SEZ6L: variants seen among roughly 807,000 people sequenced by gnomAD.
The protein encoded by SEZ6L is seizure related 6 homolog like, also known as seizure 6-like protein.
Under a neutral mutation model 106.2 loss-of-function variants are expected in SEZ6L, and 37 were observed. That is an observed-to-expected ratio of 0.35 (90% CI 0.27 to 0.46). The LOEUF (loss-of-function observed/expected upper bound fraction) is 0.46. Ranked by LOEUF, SEZ6L falls within the 20% of genes least tolerant of loss-of-function variation. The pLI, the probability that SEZ6L is intolerant of heterozygous loss-of-function variation, is 1.00. For synonymous variants in SEZ6L, 541 were observed against 570.4 expected (o/e 0.95, Z 0.73); for missense variants, 1,172 against 1,332.8 (o/e 0.88, Z 1.88).
chr22:26,315,288 C>A (rs1426163427), intron 9 of SEZ6L, among the ~76,000 whole-genome samples: 1 of 151,802 alleles, frequency 6.6e-6, no homozygotes, highest in Non-Finnish European at 1.5e-5. Context: ...GAGACCAGTC[C>A]CAACAACATA....
chr22:26,239,255 G>C (rs1401454603), intron 1 of SEZ6L, among the ~76,000 whole-genome samples: 1 of 152,110 alleles, frequency 6.6e-6, no homozygotes, highest in Non-Finnish European at 1.5e-5. Context: ...TGGCCAGCTG[G>C]GGGGCAGGGT....
At chr22:26,353,950 A>G (rs1242828550) in intron 12 of SEZ6L, among the ~76,000 whole-genome samples, 1 of 152,198 alleles carries the variant, frequency 6.6e-6, no homozygotes, top group African/African-American at 2.4e-5. Context: ...TCTAACCCAC[A>G]GTATCTGTAA....
chr22:26,296,483 A>G (rs1160466372), intron 3 of SEZ6L, among the ~76,000 whole-genome samples: 1 of 152,232 alleles, frequency 6.6e-6, no homozygotes, highest in Non-Finnish European at 1.5e-5. Flanking sequence ...ACATTCTGGT[A>G]GAATGCTTCT....
chr22:26,264,379 C>T (rs542950410), intron 1 of SEZ6L, among the ~76,000 whole-genome samples: 85 of 152,346 alleles, frequency 5.6e-4, no homozygotes, highest in African/African-American at 1.9e-3. Flanking sequence ...CACTTAACCT[C>T]TCTGAGCTTC....
chr22:26,292,026 AGGAAGGAAGGATGGAT>A (rs1260774382), intron 1 of SEZ6L, among the ~76,000 whole-genome samples: 2,168 of 110,974 alleles, frequency 0.02, 110 homozygotes, highest in African/African-American at 0.077. Flanking sequence ...GAAGGAAGGA[AGGAAGGAAGGATGGAT>A]GGAAGGAAAG....
intron 1 of SEZ6L, among the ~76,000 whole-genome samples, chr22:26,263,951 C>T (rs574413595): frequency 1.7e-4 from 26 of 152,204 alleles, no homozygotes; most frequent in Non-Finnish European, 3.7e-4. Context: ...CCCTTAATCC[C>T]TCTCAAAGCT....
chr22:26,187,920 T>A (rs1023768689), intron 1 of SEZ6L, among the ~76,000 whole-genome samples: 1 of 152,154 alleles, frequency 6.6e-6, no homozygotes, highest in Non-Finnish European at 1.5e-5. Flanking sequence ...CCTGAACCAA[T>A]TTGGAAGCCC....
intron 9 of SEZ6L, among the ~76,000 whole-genome samples, chr22:26,318,538 T>A (rs964838290): frequency 6.6e-6 from 1 of 152,238 alleles, no homozygotes; most frequent in Non-Finnish European, 1.5e-5. Context: ...TTCATGTTTT[T>A]AAGCACTTAC....
chr22:26,364,426 A>T (rs940841126), intron 12 of SEZ6L, among the ~76,000 whole-genome samples: 1 of 9,670 alleles, frequency 1.0e-4, no homozygotes, highest in African/African-American at 2.8e-3. Flanking sequence ...TCTCTACTTT[A>T]AAAAAAAAAA....
At position 26,262,325 on chromosome 22, in the gene SEZ6L, G is replaced by A. The variant is rs190708165; in HGVS notation, c.95-30081G>A. On this transcript the variant is annotated intron_variant, in intron 1 of 16. Coordinates refer to ENST00000248933, the MANE Select transcript of SEZ6L (RefSeq NM_021115.5). ...TACATGGCCCTTCTTGTGAGAAGAA[G>A]AACATATATGGCAGGTGTGAGACTC... is the stretch of plus-strand genomic sequence containing the variant. Among the ~76,000 whole-genome samples, 7 of 151,012 alleles carry A rather than the reference G, an allele frequency of 4.6e-5. No homozygotes were observed. The East Asian group carries it at 1.2e-3, about 25-fold the overall frequency.
At chr22:26,341,195 A>C (rs1175663802) in intron 10 of SEZ6L, among the ~76,000 whole-genome samples, 1 of 152,144 alleles carries the variant, frequency 6.6e-6, no homozygotes, top group Non-Finnish European at 1.5e-5. Context: ...GGAGCTATAG[A>C]TGCAAAAGAT....
At chr22:26,185,151 T>C (rs1939684515) in intron 1 of SEZ6L, among the ~76,000 whole-genome samples, 1 of 152,182 alleles carries the variant, frequency 6.6e-6, no homozygotes, top group Admixed American at 6.5e-5. Flanking sequence ...ACTTCAGACA[T>C]TCTAATGCAC....
chr22:26,319,774 T>C (rs530300079), intron 9 of SEZ6L, among the ~76,000 whole-genome samples: 16 of 152,334 alleles, frequency 1.1e-4, no homozygotes, highest in African/African-American at 3.8e-4. Context: ...TTATTTTTTG[T>C]CTTATTCACT....
intron 9 of SEZ6L, among the ~76,000 whole-genome samples, chr22:26,338,074 G>T (rs1054771310): frequency 6.6e-6 from 1 of 152,166 alleles, no homozygotes; most frequent in African/African-American, 2.4e-5. Context: ...CTATCAGCAG[G>T]GAGGGCCACT....
intron 9 of SEZ6L, among the ~76,000 whole-genome samples, chr22:26,339,962 C>A (rs922304846): frequency 1.3e-5 from 2 of 152,172 alleles, no homozygotes; most frequent in East Asian, 3.9e-4. Context: ...CGGCCGGGCA[C>A]AGTGACTCAC....
At chr22:26,176,763 A>C (rs1939031085) in intron 1 of SEZ6L, among the ~76,000 whole-genome samples, 1 of 152,216 alleles carries the variant, frequency 6.6e-6, no homozygotes. Flanking sequence ...AAAATTTGCC[A>C]TTATTGCTCT....
chr22:26,188,861 G>A (rs1052606095), intron 1 of SEZ6L, among the ~76,000 whole-genome samples: 1 of 152,172 alleles, frequency 6.6e-6, no homozygotes, highest in Non-Finnish European at 1.5e-5. Flanking sequence ...TATAGTACCA[G>A]CAGTAAAAAT....
chr22:26,331,853 C>T (rs573466866), intron 9 of SEZ6L, among the ~76,000 whole-genome samples: 9 of 152,106 alleles, frequency 5.9e-5, no homozygotes, highest in East Asian at 2.0e-4. Context: ...CATGGTGGCA[C>T]GTGCCTGTAA....
intron 15 of SEZ6L, 55 bp downstream of exon 15, chr22:26,375,744 G>A (rs960234700): frequency 1.1e-5 from 15 of 1,351,292 alleles, no homozygotes; most frequent in African/African-American, 5.7e-5. Flanking sequence ...AGTACTCAGA[G>A]GGACTGGGCG....
Sources: gnomAD v4.1 joint callset for allele counts (sites outside exome capture counted in the v4.1 genomes callset) on GRCh38, gnomAD v4.1.1 for gene constraint, MANE v1.5 for transcripts, NCBI Gene and HGNC (gene_info 2026-07-23, HGNC 2026-07-21) for gene names.